The following LHFPL6 variants were observed in gnomAD, a reference collection of about 807,000 sequenced individuals.
The protein encoded by LHFPL6 is LHFPL tetraspan subfamily member 6 protein.
Under a neutral mutation model 20.6 loss-of-function variants are expected in LHFPL6, and 9 were observed. The observed-to-expected ratio is 0.44, with a 90% CI of 0.26 to 0.76. The LOEUF is 0.76. Ranked by LOEUF, LHFPL6 falls within the 30% of genes least tolerant of loss-of-function variation. LHFPL6 has a pLI of 0.20. For synonymous variants in LHFPL6, 105 were observed against 98.7 expected (o/e 1.06, Z -0.38); for missense variants, 218 against 253.5 (o/e 0.86, Z 0.95).
intron 2 of LHFPL6, among the ~76,000 whole-genome samples, chr13:39,505,615 AAAG>A: frequency 6.6e-6 from 1 of 152,196 alleles, no homozygotes; most frequent in Non-Finnish European, 1.5e-5. Context: ...ATTTTGGCTA[AAAG>A]AAGGATGAAT....
chr13:39,405,888 T>C (rs1221637431), intron 2 of LHFPL6, among the ~76,000 whole-genome samples: 1 of 152,164 alleles, frequency 6.6e-6, no homozygotes, highest in Non-Finnish European at 1.5e-5. Context: ...AGACAGCTCT[T>C]TTTCCAAATG....
At chr13:39,365,318 C>A (rs1179796184) in intron 3 of LHFPL6, among the ~76,000 whole-genome samples, 1 of 152,134 alleles carries the variant, frequency 6.6e-6, no homozygotes, top group Non-Finnish European at 1.5e-5. Context: ...TACCACTGGC[C>A]ACCAAGCAGT....
chr13:39,349,427 T>C (rs1869500595), intron 3 of LHFPL6, among the ~76,000 whole-genome samples: 2 of 152,332 alleles, frequency 1.3e-5, no homozygotes, highest in African/African-American at 4.8e-5. Context: ...TTCTTGATTT[T>C]CTTCTTCCCT....
intron 2 of LHFPL6, among the ~76,000 whole-genome samples, chr13:39,485,791 GAC>G (rs1354810551): frequency 6.6e-6 from 1 of 152,046 alleles, no homozygotes; most frequent in African/African-American, 2.4e-5. Context: ...AATTTGCTTT[GAC>G]CTCCTATAAC....
At chr13:39,532,591 C>T (rs1481092698) in intron 2 of LHFPL6, among the ~76,000 whole-genome samples, 2 of 152,056 alleles carry the variant, frequency 1.3e-5, no homozygotes, top group Non-Finnish European at 2.9e-5. Context: ...TCCTCTAGAC[C>T]TTTAAAATAA....
chr13:39,480,155 G>A (rs1451029239), intron 2 of LHFPL6, among the ~76,000 whole-genome samples: 1 of 152,078 alleles, frequency 6.6e-6, no homozygotes, highest in African/African-American at 2.4e-5. Flanking sequence ...GTTTGAAGAA[G>A]GTCTTGTCTG....
chr13:39,521,341 G>A (rs1195142720), intron 2 of LHFPL6, among the ~76,000 whole-genome samples: 3 of 152,184 alleles, frequency 2.0e-5, no homozygotes, highest in Admixed American at 6.5e-5. Flanking sequence ...GAACTTCACA[G>A]TGTCCTGAAA....
In LHFPL6 at chr13:39,432,285, G is replaced by A. The variant is rs757658238; in HGVS notation, c.386-53759C>T. On this transcript the variant is annotated intron_variant, in intron 2 of 3. Transcript: ENST00000379589. ...CCAATACAGTCTTTTTAAACCAGTGGCAAGAGTGATTCTATTAAAACATAA... is the reference window on the plus strand; with the variant it reads ...CCAATACAGTCTTTTTAAACCAGTGACAAGAGTGATTCTATTAAAACATAA... Among the ~76,000 whole-genome samples, 90 of 152,166 alleles carry A rather than the reference G, an allele frequency of 5.9e-4. 1 individual carries two copies. Among genetic ancestry groups the A allele is most frequent in the Non-Finnish European group, 1.0e-4 (7 of 68,030 alleles).
intron 2 of LHFPL6, among the ~76,000 whole-genome samples, chr13:39,438,961 C>T (rs541880335): frequency 2.4e-4 from 36 of 152,230 alleles, no homozygotes; most frequent in South Asian, 8.3e-4. Context: ...AATGTGGGGT[C>T]GGAGCCCCCA....
intron 2 of LHFPL6, among the ~76,000 whole-genome samples, chr13:39,382,039 T>C (rs1870451247): frequency 6.6e-6 from 1 of 152,212 alleles, no homozygotes; most frequent in Admixed American, 6.5e-5. Flanking sequence ...CTACTAAGTC[T>C]ACTTACTTGT....
intron 3 of LHFPL6, among the ~76,000 whole-genome samples, chr13:39,353,312 T>C (rs1353572713): frequency 9.9e-5 from 15 of 151,718 alleles, no homozygotes; most frequent in Non-Finnish European, 2.2e-4. Context: ...ATGAGACAAG[T>C]AGTAAAAATG....
intron 2 of LHFPL6, among the ~76,000 whole-genome samples, chr13:39,578,063 C>T (rs1483666612): frequency 6.6e-6 from 1 of 152,178 alleles, no homozygotes; most frequent in African/African-American, 2.4e-5. Flanking sequence ...TATCCATCAA[C>T]CAAGACTGAA....
intron 2 of LHFPL6, among the ~76,000 whole-genome samples, chr13:39,512,000 G>A (rs1324266619): frequency 6.6e-6 from 1 of 152,170 alleles, no homozygotes; most frequent in Non-Finnish European, 1.5e-5. Flanking sequence ...CAGTTCACAA[G>A]TATCCATGAG....
intron 3 of LHFPL6, among the ~76,000 whole-genome samples, chr13:39,346,828 T>C (rs9285130): frequency 0.78 from 118,344 of 152,016 alleles, 46,322 homozygotes; most frequent in East Asian, 0.91. Context: ...AGTTCAAGAC[T>C]GGCCTTGCCA....
intron 2 of LHFPL6, among the ~76,000 whole-genome samples, chr13:39,401,479 G>A (rs866957375): frequency 3.3e-5 from 5 of 152,144 alleles, no homozygotes; most frequent in Admixed American, 6.5e-5. Context: ...GTGTGGAGAG[G>A]GAGGCATCCT....
chr13:39,518,226 A>G (rs1869991872), intron 2 of LHFPL6, among the ~76,000 whole-genome samples: 1 of 152,168 alleles, frequency 6.6e-6, no homozygotes, highest in Non-Finnish European at 1.5e-5. Flanking sequence ...GTCTAACTCA[A>G]CTGTACTGGT....
intron 2 of LHFPL6, among the ~76,000 whole-genome samples, chr13:39,438,612 C>T (rs985426099): frequency 2.6e-5 from 4 of 152,202 alleles, no homozygotes; most frequent in African/African-American, 9.6e-5. Flanking sequence ...GGCCCAGAGG[C>T]CAAGGAGGGA....
intron 3 of LHFPL6, among the ~76,000 whole-genome samples, chr13:39,351,110 A>G (rs1457446086): frequency 7.9e-5 from 12 of 152,154 alleles, no homozygotes; most frequent in Admixed American, 7.9e-4. Context: ...CTATTCGGGC[A>G]CTCAGTATGA....
At chr13:39,588,803 G>T (rs1008021112) in intron 2 of LHFPL6, among the ~76,000 whole-genome samples, 6 of 152,146 alleles carry the variant, frequency 3.9e-5, no homozygotes, top group African/African-American at 7.2e-5. Context: ...GTATTAATTG[G>T]ATATATAAAG....
Sources: gnomAD v4.1 joint callset for allele counts (sites outside exome capture counted in the v4.1 genomes callset) on GRCh38, gnomAD v4.1.1 for gene constraint, MANE v1.5 for transcripts, NCBI Gene and HGNC (gene_info 2026-07-23, HGNC 2026-07-21) for gene names.